Variants in COMMD1 observed in about 807,000 individuals in gnomAD.
COMMD1 encodes COMM domain-containing protein 1.
Under a neutral mutation model 17.2 loss-of-function variants are expected in COMMD1, and 10 were observed. That is an observed-to-expected ratio of 0.58 (90% confidence interval 0.36 to 0.99). The LOEUF (loss-of-function observed/expected upper bound fraction) is 0.99. COMMD1 is among the 50% of genes least tolerant of loss of function. The probability of loss-of-function intolerance (pLI) is 0.01; values close to 1 mark genes in which losing one functional copy is unlikely to be tolerated. For missense variants in COMMD1, 270 were observed against 231.8 expected (o/e 1.17, Z -1.07); for synonymous variants, 97 against 91.6 (o/e 1.06, Z -0.34).
At chr2:62,049,036 G>A (rs181967700) in intron 2 of COMMD1, among the ~76,000 whole-genome samples, 70 of 152,018 alleles carry the variant, frequency 4.6e-4, no homozygotes, top group African/African-American at 1.7e-3. Context: ...AGTTAAAATG[G>A]GTGAGGGAAA....
At chr2:62,023,218 C>G (rs1291061748) in intron 2 of COMMD1, among the ~76,000 whole-genome samples, 6 of 149,028 alleles carry the variant, frequency 4.0e-5, no homozygotes, top group Non-Finnish European at 7.4e-5. Flanking sequence ...AAGAGCAAAA[C>G]TCTGTCTCAA....
At chr2:62,057,994 GT>G (rs1438548731) in intron 2 of COMMD1, among the ~76,000 whole-genome samples, 1 of 151,934 alleles carries the variant, frequency 6.6e-6, no homozygotes, top group African/African-American at 2.4e-5. Context: ...AAAATATTAC[GT>G]TAAATTTCCA....
chr2:61,893,148 T>C (rs1428790038), intron 1 of COMMD1, among the ~76,000 whole-genome samples: 1 of 151,984 alleles, frequency 6.6e-6, no homozygotes, highest in Admixed American at 6.6e-5. Context: ...ATTACAGGTG[T>C]GAGCCACCAT....
intron 1 of COMMD1, 61 bp downstream of exon 1, chr2:61,905,919 C>A (rs1669760572): frequency 1.3e-6 from 2 of 1,536,430 alleles, no homozygotes; most frequent in African/African-American, 1.4e-5. Context: ...TGGCTTCAGA[C>A]TCTCCCCCCC....
intron 2 of COMMD1, among the ~76,000 whole-genome samples, chr2:62,007,605 T>G (rs1669156103): frequency 2.0e-5 from 3 of 152,206 alleles, no homozygotes; most frequent in Non-Finnish European, 4.4e-5. Context: ...AATATAATAC[T>G]TATCATTGTG....
chr2:61,928,144 T>C (rs1360634598), intron 1 of COMMD1, among the ~76,000 whole-genome samples: 2 of 152,150 alleles, frequency 1.3e-5, no homozygotes, highest in East Asian at 3.9e-4. Flanking sequence ...AAGTAAGCAA[T>C]ATAAAGCAGG....
rs539049231 is a variant in COMMD1 at position 61,969,140 on chromosome 2, TTTTG to T, written c.181-31549_181-31546del. 98 of 273,322 alleles carry T rather than the reference TTTTG, an allele frequency of 3.6e-4. 1 individual carries two copies. Among genetic ancestry groups the T allele is most frequent in the South Asian group, 3.1e-4 (10 of 32,420 alleles). The allele number at this position is 273,322 out of a possible 1,614,324, so 16.9% of individuals were successfully genotyped here. ...CATCTGGCTTTTATATGTAGGTTTTTTTTGTTTGTTTGTTTTCAAACAAGAAAAT... is the reference window on the plus strand; with the variant it reads ...CATCTGGCTTTTATATGTAGGTTTTTTTTGTTTGTTTTCAAACAAGAAAAT... On this transcript the variant is annotated intron_variant, in intron 1 of 2. Transcript: ENST00000311832.
At chr2:61,964,038 C>T (rs1671441731) in intron 1 of COMMD1, among the ~76,000 whole-genome samples, 1 of 152,130 alleles carries the variant, frequency 6.6e-6, no homozygotes, top group Non-Finnish European at 1.5e-5. Context: ...TTCCAAAATC[C>T]AACAGATTTT....
chr2:61,946,837 G>A (rs1011485470), intron 1 of COMMD1, among the ~76,000 whole-genome samples: 1 of 151,504 alleles, frequency 6.6e-6, no homozygotes, highest in African/African-American at 2.4e-5. Flanking sequence ...TTCTCATTCT[G>A]GAACAACCTT....
intron 1 of COMMD1, among the ~76,000 whole-genome samples, chr2:61,984,175 C>G (rs900568648): frequency 6.6e-6 from 1 of 152,164 alleles, no homozygotes; most frequent in Non-Finnish European, 1.5e-5. Flanking sequence ...CAGGCGTGTG[C>G]CACCACACCC....
intron 1 of COMMD1, among the ~76,000 whole-genome samples, chr2:61,944,549 G>T (rs1670856556): frequency 1.3e-5 from 2 of 152,126 alleles, no homozygotes. Context: ...AGCTAAACCA[G>T]CTAAGACCAC....
At chr2:61,939,971 T>C (rs1482975969) in intron 1 of COMMD1, among the ~76,000 whole-genome samples, 1 of 152,200 alleles carries the variant, frequency 6.6e-6, no homozygotes, top group Non-Finnish European at 1.5e-5. Flanking sequence ...GTGTAAACCA[T>C]TTTAATTTTA....
At chr2:61,995,277 A>G (rs1368834958) in intron 1 of COMMD1, among the ~76,000 whole-genome samples, 5 of 152,122 alleles carry the variant, frequency 3.3e-5, no homozygotes, top group African/African-American at 9.7e-5. Flanking sequence ...CACACGTTGC[A>G]TCATGATTTC....
At chr2:61,936,556 A>G (rs771157541) in intron 1 of COMMD1, among the ~76,000 whole-genome samples, 1 of 152,218 alleles carries the variant, frequency 6.6e-6, no homozygotes, top group Non-Finnish European at 1.5e-5. Context: ...ATATCAGAAT[A>G]TATTATGGAC....
chr2:62,075,755 T>C (rs113813574), intron 2 of COMMD1, among the ~76,000 whole-genome samples: 1 of 152,238 alleles, frequency 6.6e-6, no homozygotes, highest in African/African-American at 2.4e-5. Flanking sequence ...CAACACATGT[T>C]TTAAGTGTGT....
At chr2:62,063,899 T>TATATATATA (rs1558583258) in intron 2 of COMMD1, among the ~76,000 whole-genome samples, 4 of 44,200 alleles carry the variant, frequency 9.0e-5, no homozygotes, top group African/African-American at 2.9e-4. Flanking sequence ...ATATATATAT[T>TATATATATA]AGCCAGGCAT....
chr2:62,088,576 T>G (rs1392640083), intron 2 of COMMD1, among the ~76,000 whole-genome samples: 1 of 152,216 alleles, frequency 6.6e-6, no homozygotes, highest in Non-Finnish European at 1.5e-5. Context: ...TCTACAGTAT[T>G]TTGTGTACCT....
intron 2 of COMMD1, among the ~76,000 whole-genome samples, chr2:62,075,782 C>T (rs1240539884): frequency 6.6e-6 from 1 of 152,182 alleles, no homozygotes; most frequent in Non-Finnish European, 1.5e-5. Context: ...ACTTCTTGCT[C>T]AGTATAGCAG....
At chr2:61,916,945 A>G (rs976322495) in intron 1 of COMMD1, among the ~76,000 whole-genome samples, 2 of 152,166 alleles carry the variant, frequency 1.3e-5, no homozygotes, top group South Asian at 2.1e-4. Context: ...TAAATATTCC[A>G]GTAGTTTGGT....
Sources: allele counts gnomAD v4.1 joint callset (sites outside exome capture counted in the v4.1 genomes callset), GRCh38; gene constraint gnomAD v4.1.1; transcripts MANE v1.5; gene names NCBI Gene and HGNC (gene_info 2026-07-23, HGNC 2026-07-21).